Variants in ALDH1L2 observed in about 807,000 individuals in gnomAD.
ALDH1L2 encodes the protein mitochondrial 10-formyltetrahydrofolate dehydrogenase.
Under a neutral mutation model 111.0 loss-of-function variants are expected in ALDH1L2, and 91 were observed. That is an observed-to-expected ratio of 0.82 (90% confidence interval 0.69 to 0.98). ALDH1L2 has a LOEUF of 0.98. ALDH1L2 is among the 50% of genes least tolerant of loss of function. The probability of loss-of-function intolerance (pLI) is 0.00; values close to 1 mark genes in which losing one functional copy is unlikely to be tolerated. For missense variants in ALDH1L2, 995 were observed against 1,126.8 expected, an observed-to-expected ratio of 0.88 and a Z score of 1.67; for synonymous variants, 374 against 392.6, an observed-to-expected ratio of 0.95 and a Z score of 0.56.
At chr12:105,068,562 T>C (rs911424474) in intron 4 of ALDH1L2, among the ~76,000 whole-genome samples, 157 bp downstream of exon 4, 8 of 152,174 alleles carry the variant, frequency 5.3e-5, no homozygotes, top group African/African-American at 1.9e-4. Context: ...CAGATTTCCA[T>C]CCTAAATATA....
In ALDH1L2 at chr12:105,026,533, G is replaced by A; in HGVS notation, c.2716+12C>T. On this transcript the variant is annotated intron_variant, in intron 22 of 22. Transcript: ENST00000258494. Reference sequence around the variant, plus strand: ...AACAAAGGGAAGGTGAAGCAGAAAAGTAAAGCCATACCTAAGTCTTTTCCA... The same window carrying A: ...AACAAAGGGAAGGTGAAGCAGAAAAATAAAGCCATACCTAAGTCTTTTCCA... 3 of 1,613,808 alleles carry A rather than the reference G, an allele frequency of 1.9e-6. No individual in the cohort carries two copies. Among genetic ancestry groups the A allele is most frequent in the Non-Finnish European group, 2.5e-6 (3 of 1,179,898 alleles).
intron 20 of ALDH1L2, 148 bp downstream of exon 20, chr12:105,031,621 C>T: frequency 8.8e-7 from 1 of 1,139,276 alleles, no homozygotes. Flanking sequence ...CCTCAGCCTC[C>T]CCAGTAGCAG....
intron 19 of ALDH1L2, among the ~76,000 whole-genome samples, chr12:105,033,337 A>G (rs1260245121): frequency 1.3e-5 from 2 of 152,224 alleles, no homozygotes; most frequent in Non-Finnish European, 2.9e-5. Flanking sequence ...TGAAATTTCA[A>G]CAACTTTTAG....
chr12:105,079,559 T>A (rs999677326), intron 1 of ALDH1L2, among the ~76,000 whole-genome samples: 1 of 152,010 alleles, frequency 6.6e-6, no homozygotes, highest in African/African-American at 2.4e-5. Context: ...ACAGAACACT[T>A]CAAAGACTTT....
intron 15 of ALDH1L2, among the ~76,000 whole-genome samples, chr12:105,046,149 T>TTCTCTCTCTCTC (rs541003101): frequency 7.2e-4 from 26 of 35,994 alleles, no homozygotes; most frequent in African/African-American, 2.6e-3. Context: ...CTTCTACATC[T>TTCTCTCTCTCTC]TCTCTCTCTC....
Position 105,052,080 on chromosome 12 carries a change from A to G in ALDH1L2, c.1535+10T>C. On this transcript the variant is annotated intron_variant, in intron 12 of 22. Coordinates refer to ENST00000258494, the MANE Select transcript of ALDH1L2 (RefSeq NM_001034173.4). ...TTTCTAAAAAATAAAAAAATAAAAA[A>G]TAGAAATACCTATACATCAATCTTC... 4 of 1,576,392 alleles carry G rather than the reference A, an allele frequency of 2.5e-6. No homozygotes were observed. Among genetic ancestry groups the G allele is most frequent in the Non-Finnish European group, 3.4e-6 (4 of 1,167,008 alleles).
At chr12:105,074,458 C>CAAAAAAA (rs59114614) in intron 1 of ALDH1L2, among the ~76,000 whole-genome samples, 7 of 38,888 alleles carry the variant, frequency 1.8e-4, no homozygotes, top group African/African-American at 5.5e-4. Context: ...ACTCTGTCTC[C>CAAAAAAA]AAAAAAAAAA....
chr12:105,068,003 G>A (rs567510954), intron 4 of ALDH1L2, among the ~76,000 whole-genome samples: 68 of 152,294 alleles, frequency 4.5e-4, no homozygotes, highest in South Asian at 4.4e-3. Flanking sequence ...CTTGCCTGTG[G>A]TCATGCAACA....
Position 105,046,892 on chromosome 12 carries a change from A to T in ALDH1L2, c.1757+7T>A, listed in dbSNP as rs754027664. On this transcript the variant is annotated splice_region_variant and intron_variant, in intron 14 of 22. Coordinates refer to ENST00000258494, the MANE Select transcript of ALDH1L2 (RefSeq NM_001034173.4). ...TGATTCACTCAGAGGCACTCTCCTTATCTTACCCGAGTGGCTCTTTCTTGG... is the reference window on the plus strand; with the variant it reads ...TGATTCACTCAGAGGCACTCTCCTTTTCTTACCCGAGTGGCTCTTTCTTGG... 5.5e-5 allele frequency: 88 copies of T among 1,613,904 alleles called. No individual in the cohort carries two copies. Among genetic ancestry groups the T allele is most frequent in the Non-Finnish European group, 6.2e-5 (73 of 1,179,934 alleles).
At position 105,065,233 on chromosome 12, in the gene ALDH1L2, G is replaced by T. The variant is rs780206110; in HGVS notation, c.786+34C>A. 9.0e-6 allele frequency: 11 copies of T among 1,226,402 alleles called. No individual in the cohort carries two copies. In the East Asian group the frequency reaches 4.7e-4, roughly 52 times the overall value. The allele number at this position is 1,226,402 out of a possible 1,614,324, so 76.0% of individuals were successfully genotyped here. On this transcript the variant is annotated intron_variant, in intron 6 of 22. Coordinates refer to ENST00000258494, the MANE Select transcript of ALDH1L2 (RefSeq NM_001034173.4). ...ATCTCTTACAAAGGTAATAATCGGG[G>T]AGGGGGGTGGGGGGAGTGGTCCCTA... is the stretch of plus-strand genomic sequence containing the variant.
intron 1 of ALDH1L2, among the ~76,000 whole-genome samples, chr12:105,074,660 C>T (rs992483147): frequency 4.6e-5 from 7 of 151,972 alleles, no homozygotes; most frequent in East Asian, 1.9e-4. Context: ...AAATGGGATT[C>T]GCTAATGTTC....
At chr12:105,038,561 G>T (rs1875329011) in intron 17 of ALDH1L2, among the ~76,000 whole-genome samples, 1 of 152,076 alleles carries the variant, frequency 6.6e-6, no homozygotes, top group African/African-American at 2.4e-5. Flanking sequence ...CAGCTACTTG[G>T]GAGGCTGAGG....
intron 13 of ALDH1L2, among the ~76,000 whole-genome samples, chr12:105,049,049 T>G (rs968585627): frequency 2.6e-5 from 4 of 151,292 alleles, no homozygotes; most frequent in Non-Finnish European, 5.9e-5. Flanking sequence ...AAAAAAAAAT[T>G]TTTTTTTAAT....
rs1055700237 is a variant in ALDH1L2 at position 105,021,352 on chromosome 12, C to G, written c.*3072G>C. 6.6e-6 allele frequency: 1 copy of G among 152,400 alleles called. No individual in the cohort carries two copies. The highest frequency in any genetic ancestry group is 2.4e-5 in the African/African-American group (1 of 41,438). 9.4% of individuals were successfully genotyped at this position (152,400 alleles called of 1,614,324 possible). A position where few individuals can be genotyped will look rare whatever the true frequency, so the allele number is the denominator to read the frequency against. On this transcript the variant is annotated 3_prime_UTR_variant, in exon 23 of 23. Transcript: ENST00000258494. ...GTGGTTCATGCCTGTAATCCCAGCA[C>G]TTTGGGAGGCGGAGGCAGGTGGATC...
At position 105,068,822 on chromosome 12, in the gene ALDH1L2, T is replaced by C. The variant is rs1877520800; in HGVS notation, c.491A>G (p.Asp164Gly). The C allele has an allele frequency of 6.2e-7, 1 of 1,607,890 alleles. No individual in the cohort carries two copies. The highest frequency in any genetic ancestry group is 1.7e-5 in the Admixed American group (1 of 58,920). ...FSVFWADDGL[D>G]TGPILLQRSC... The stretch of plus-strand genomic sequence containing the variant: ...TCTCTGAAGAAGGATGGGTCCTGTA[T>C]CCAAGCCATCATCAGCCCAGAAAAC... Residue 164 changes from aspartate to glycine, a missense_variant, in exon 4 of 23, where the codon GAT becomes GGT. Physicochemically the swap from Asp to Gly is moderately conservative, Grantham distance 94. Transcript: ENST00000258494.
At chr12:105,062,150 A>T (rs1877039250) in intron 7 of ALDH1L2, among the ~76,000 whole-genome samples, 1 of 152,226 alleles carries the variant, frequency 6.6e-6, no homozygotes, top group Non-Finnish European at 1.5e-5. Context: ...AGCAGCACAT[A>T]TACTAAAAAA....
At chr12:105,049,406 T>C (rs1420126568) in intron 13 of ALDH1L2, among the ~76,000 whole-genome samples, 1 of 152,216 alleles carries the variant, frequency 6.6e-6, no homozygotes, top group African/African-American at 2.4e-5. Flanking sequence ...GTAGTTGTTA[T>C]AACCATTGCG....
In ALDH1L2 at chr12:105,036,243, TTA is replaced by T. The variant is rs1244183736; in HGVS notation, c.2146-1847_2146-1846del. Among the ~76,000 whole-genome samples the T allele has an allele frequency of 1.4e-4, 8 of 56,766 alleles. 2 individuals are homozygous for T. Among genetic ancestry groups the T allele is most frequent in the Admixed American group, 9.9e-4 (4 of 4,026 alleles). 37.2% of individuals were successfully genotyped at this position (56,766 alleles called of 152,430 possible). On this transcript the variant is annotated intron_variant, in intron 18 of 22. Transcript: ENST00000258494. ...GTGTATATAATATATACACGTATAT[TTA>T]TATATGTGTATATAATATATACACG...
At chr12:105,065,193 A>C in intron 6 of ALDH1L2, 74 bp downstream of exon 6, 1 of 954,872 alleles carries the variant, frequency 1.0e-6, no homozygotes, top group African/African-American at 1.8e-5. Flanking sequence ...TGGGAAGCCC[A>C]GATTTATCTG....
Sources: gnomAD v4.1 joint callset for allele counts (sites outside exome capture counted in the v4.1 genomes callset) on GRCh38, gnomAD v4.1.1 for gene constraint, MANE v1.5 for transcripts, NCBI Gene and HGNC (gene_info 2026-07-23, HGNC 2026-07-21) for gene names.